GALNT17: variants seen among roughly 807,000 people sequenced by gnomAD.
GALNT17 encodes polypeptide N-acetylgalactosaminyltransferase 17, also known as UDP-GalNAc:polypeptide N-acetylgalactosaminyltransferase-like 3.
GALNT17 carries 29 observed loss-of-function variants against 63.7 expected under a neutral mutation model. The ratio of observed to expected loss-of-function variants is 0.46; its 90% CI spans 0.34 to 0.62. The LOEUF (loss-of-function observed/expected upper bound fraction) is 0.62. Among genes scored for constraint, GALNT17 ranks in the 20% least tolerant of loss-of-function variants. GALNT17 has a pLI of 0.01. For missense variants in GALNT17, 603 were observed against 799.6 expected, an observed-to-expected ratio of 0.75 and a Z score of 2.97; for synonymous variants, 305 against 318.3, an observed-to-expected ratio of 0.96 and a Z score of 0.45.
intron 10 of GALNT17, 61 bp downstream of exon 10, chr7:71,710,989 A>T: frequency 3.2e-6 from 5 of 1,568,074 alleles, no homozygotes; most frequent in Non-Finnish European, 4.3e-6. Context: ...CAGACCACAG[A>T]GGGGAATCCT....
intron 1 of GALNT17, among the ~76,000 whole-genome samples, chr7:71,162,902 G>C (rs2116257413): frequency 6.6e-6 from 1 of 152,290 alleles, no homozygotes; most frequent in South Asian, 2.1e-4. Context: ...CAAAAGGAGT[G>C]ACATGCTCCA....
intron 5 of GALNT17, among the ~76,000 whole-genome samples, chr7:71,531,004 C>A (rs1788711631): frequency 1.3e-5 from 2 of 152,280 alleles, no homozygotes; most frequent in African/African-American, 4.8e-5. Flanking sequence ...ATACATGTGG[C>A]TGCATGAACA....
At chr7:71,318,105 A>G (rs1791532531) in intron 1 of GALNT17, among the ~76,000 whole-genome samples, 1 of 151,918 alleles carries the variant, frequency 6.6e-6, no homozygotes, top group African/African-American at 2.4e-5. Context: ...TGGTGTCTCA[A>G]CATGTTGCCA....
At chr7:71,636,655 C>G (rs1484231656) in intron 6 of GALNT17, among the ~76,000 whole-genome samples, 1 of 152,190 alleles carries the variant, frequency 6.6e-6, no homozygotes, top group African/African-American at 2.4e-5. Flanking sequence ...GTAGACTTAG[C>G]AGGCTTCTCT....
chr7:71,347,212 C>G (rs1792111845), intron 2 of GALNT17, among the ~76,000 whole-genome samples: 1 of 152,174 alleles, frequency 6.6e-6, no homozygotes, highest in East Asian at 1.9e-4. Flanking sequence ...ACCTAAAAAC[C>G]TTCATGAGAG....
chr7:71,616,293 C>G (rs1170367665), intron 6 of GALNT17, among the ~76,000 whole-genome samples: 1 of 151,938 alleles, frequency 6.6e-6, no homozygotes, highest in African/African-American at 2.4e-5. Context: ...CTTTCCCCCC[C>G]GTCCTCTCAG....
intron 9 of GALNT17, among the ~76,000 whole-genome samples, chr7:71,686,197 C>T (rs867523970): frequency 1.3e-5 from 2 of 151,966 alleles, no homozygotes; most frequent in East Asian, 1.9e-4. Context: ...TCAGGTGATC[C>T]GCCTGCCTAG....
intron 2 of GALNT17, among the ~76,000 whole-genome samples, chr7:71,347,033 T>C (rs1792108604): frequency 6.6e-6 from 1 of 152,130 alleles, no homozygotes; most frequent in African/African-American, 2.4e-5. Flanking sequence ...AGGAACGTTA[T>C]TTGCTAACGC....
At chr7:71,359,117 T>C (rs915908955) in intron 2 of GALNT17, among the ~76,000 whole-genome samples, 2 of 152,248 alleles carry the variant, frequency 1.3e-5, no homozygotes, top group Non-Finnish European at 2.9e-5. Context: ...GGACCATTGT[T>C]AGTGTCACAA....
intron 2 of GALNT17, among the ~76,000 whole-genome samples, chr7:71,370,957 A>G (rs1792611320): frequency 6.6e-6 from 1 of 152,166 alleles, no homozygotes; most frequent in South Asian, 2.1e-4. Flanking sequence ...CTGGGTAGAG[A>G]CAGAAGTTGG....
At chr7:71,707,235 G>A (rs1216152242) in intron 9 of GALNT17, among the ~76,000 whole-genome samples, 1 of 152,052 alleles carries the variant, frequency 6.6e-6, no homozygotes, top group Admixed American at 6.5e-5. Context: ...CCACAGTTAT[G>A]TGCTCAACCC....
At chr7:71,335,828 T>C in intron 2 of GALNT17, 95 bp downstream of exon 2, 1 of 1,130,478 alleles carries the variant, frequency 8.8e-7, no homozygotes. Flanking sequence ...TATTTGTAAC[T>C]CTTGGGGGAG....
intron 1 of GALNT17, among the ~76,000 whole-genome samples, chr7:71,146,230 C>T (rs1788020901): frequency 6.6e-6 from 1 of 152,042 alleles, no homozygotes; most frequent in African/African-American, 2.4e-5. Flanking sequence ...CCCCGGGTGC[C>T]ACCACCGCAG....
At chr7:71,691,933 A>G (rs1008814237) in intron 9 of GALNT17, among the ~76,000 whole-genome samples, 4 of 147,052 alleles carry the variant, frequency 2.7e-5, no homozygotes, top group African/African-American at 1.0e-4. Context: ...TCTTTTTTTG[A>G]AAGAGTCTGT....
intron 9 of GALNT17, among the ~76,000 whole-genome samples, chr7:71,679,323 A>G (rs1374232926): frequency 1.3e-5 from 2 of 152,140 alleles, no homozygotes; most frequent in Non-Finnish European, 2.9e-5. Flanking sequence ...ACTTGAACCC[A>G]GGACTTCAAG....
chr7:71,252,928 C>T (rs925972481), intron 1 of GALNT17, among the ~76,000 whole-genome samples: 1 of 152,206 alleles, frequency 6.6e-6, no homozygotes, highest in African/African-American at 2.4e-5. Flanking sequence ...AACAGTTTAT[C>T]TTCACAGGTA....
chr7:71,412,060 C>T (rs917724764), intron 3 of GALNT17, among the ~76,000 whole-genome samples: 8 of 152,190 alleles, frequency 5.3e-5, no homozygotes, highest in African/African-American at 1.9e-4. Flanking sequence ...AACTTCATTT[C>T]CTCCTTGGAG....
At chr7:71,313,245 C>A (rs1239312674) in intron 1 of GALNT17, among the ~76,000 whole-genome samples, 2 of 152,180 alleles carry the variant, frequency 1.3e-5, no homozygotes, top group African/African-American at 4.8e-5. Context: ...CCTTTCAATT[C>A]TCTGAATCAT....
At chr7:71,237,860 TAGG>T (rs1403610396) in intron 1 of GALNT17, among the ~76,000 whole-genome samples, 1 of 152,114 alleles carries the variant, frequency 6.6e-6, no homozygotes, top group African/African-American at 2.4e-5. Context: ...ACTTTTCAAA[TAGG>T]AGTGTGGACT....
Sources: gnomAD v4.1 joint callset for allele counts (sites outside exome capture counted in the v4.1 genomes callset) on GRCh38, gnomAD v4.1.1 for gene constraint, MANE v1.5 for transcripts, NCBI Gene and HGNC (gene_info 2026-07-23, HGNC 2026-07-21) for gene names.